The following PIP5K1B variants were observed in gnomAD, a reference collection of about 807,000 sequenced individuals.
PIP5K1B encodes phosphatidylinositol 4-phosphate 5-kinase type-1 beta.
PIP5K1B carries 42 observed loss-of-function variants against 67.0 expected under a neutral mutation model. The observed-to-expected ratio is 0.63, with a 90% CI of 0.49 to 0.81. PIP5K1B has a LOEUF of 0.81. PIP5K1B is among the 30% of genes least tolerant of loss of function. The pLI, the probability that PIP5K1B is intolerant of heterozygous loss-of-function variation, is 0.00. For missense variants in PIP5K1B, 459 were observed against 646.3 expected, an observed-to-expected ratio of 0.71 and a Z score of 3.14; for synonymous variants, 214 against 231.4, an observed-to-expected ratio of 0.92 and a Z score of 0.68.
intron 4 of PIP5K1B, among the ~76,000 whole-genome samples, chr9:68,838,025 AT>A (rs1377661857): frequency 6.6e-6 from 1 of 150,836 alleles, no homozygotes; most frequent in Non-Finnish European, 1.5e-5. Context: ...AGTTGAATAT[AT>A]GTCTGTGTAA....
chr9:68,998,931 C>A (rs547562072), intron 15 of PIP5K1B, among the ~76,000 whole-genome samples: 1 of 152,186 alleles, frequency 6.6e-6, no homozygotes, highest in Non-Finnish European at 1.5e-5. Context: ...GTTTCCAAGG[C>A]CTGCTATCAC....
In PIP5K1B at chr9:68,994,288, C is replaced by T. The variant is rs142839129; in HGVS notation, c.1620+3031C>T. 1.4e-4 allele frequency among the ~76,000 whole-genome samples: 21 copies of T among 152,064 alleles called. 1 individual carries two copies. Among genetic ancestry groups the T allele is most frequent in the African/African-American group, 4.6e-4 (19 of 41,492 alleles). On this transcript the variant is annotated intron_variant, in intron 15 of 15. Transcript: ENST00000265382. ...AACTCCTGACCTCAGGTGATCCGCC[C>T]GCCTCGGCCTCCCAAAGTGCTGGGA...
chr9:68,951,873 A>C (rs1015544504), intron 14 of PIP5K1B, among the ~76,000 whole-genome samples: 2 of 152,120 alleles, frequency 1.3e-5, no homozygotes, highest in African/African-American at 4.8e-5. Flanking sequence ...TTCCTTTGGC[A>C]ATTACTTTGG....
At chr9:68,915,585 A>C (rs1826054672) in intron 8 of PIP5K1B, among the ~76,000 whole-genome samples, 2 of 152,156 alleles carry the variant, frequency 1.3e-5, no homozygotes, top group Non-Finnish European at 2.9e-5. Context: ...GCATTGGATC[A>C]GTGGTAAGAA....
At chr9:68,723,933 A>G (rs1828026356) in intron 1 of PIP5K1B, among the ~76,000 whole-genome samples, 1 of 151,998 alleles carries the variant, frequency 6.6e-6, no homozygotes, top group African/African-American at 2.4e-5. Context: ...GTCTTACCCA[A>G]AAAATTATTG....
chr9:68,876,305 T>TA (rs1021233589), intron 5 of PIP5K1B, among the ~76,000 whole-genome samples: 31 of 152,156 alleles, frequency 2.0e-4, no homozygotes, highest in Admixed American at 1.5e-3. Flanking sequence ...AATTCGTGGT[T>TA]AAAAAAATGC....
At chr9:68,737,067 A>G (rs552252433) in intron 1 of PIP5K1B, among the ~76,000 whole-genome samples, 5 of 152,324 alleles carry the variant, frequency 3.3e-5, no homozygotes, top group Middle Eastern at 3.4e-3. Flanking sequence ...TAAATATCCA[A>G]GTTTAGGTTT....
intron 2 of PIP5K1B, chr9:68,780,344 G>A (rs1831186091): frequency 1.9e-6 from 3 of 1,610,588 alleles, no homozygotes; most frequent in Admixed American, 1.7e-5. Flanking sequence ...GCGCCAGGCG[G>A]AACAGCACAA....
At position 68,715,272 on chromosome 9, in the gene PIP5K1B, C is replaced by T. The variant is rs1827579447; in HGVS notation, c.-243+9510C>T. On this transcript the variant is annotated intron_variant, in intron 1 of 15. Transcript: ENST00000265382. ...ACAGAGAGAAGCACAGGGATCTGCC[C>T]CAGACTCTTCAATGGCCTCCCTTTG... Among the ~76,000 whole-genome samples, 3 of 152,168 alleles carry T rather than the reference C, an allele frequency of 2.0e-5. No individual in the cohort carries two copies. The South Asian group carries it at 6.2e-4, about 32-fold the overall frequency.
intron 14 of PIP5K1B, among the ~76,000 whole-genome samples, chr9:68,978,187 A>C (rs567842634): frequency 1.3e-5 from 2 of 152,188 alleles, no homozygotes; most frequent in African/African-American, 4.8e-5. Context: ...TCTCAAGTAC[A>C]CAATACGTGA....
At chr9:68,830,960 C>G (rs1834282880) in intron 4 of PIP5K1B, among the ~76,000 whole-genome samples, 1 of 152,202 alleles carries the variant, frequency 6.6e-6, no homozygotes, top group African/African-American at 2.4e-5. Flanking sequence ...CACTACCTGC[C>G]CTCCTTTGCC....
At chr9:68,815,932 A>G (rs1391068383) in intron 2 of PIP5K1B, among the ~76,000 whole-genome samples, 1 of 152,206 alleles carries the variant, frequency 6.6e-6, no homozygotes, top group Non-Finnish European at 1.5e-5. Flanking sequence ...GACATAAGAC[A>G]AATTTTAAAA....
At chr9:68,966,055 A>G (rs1829013276) in intron 14 of PIP5K1B, among the ~76,000 whole-genome samples, 2 of 152,072 alleles carry the variant, frequency 1.3e-5, no homozygotes, top group African/African-American at 4.8e-5. Context: ...GCTGACTGAA[A>G]GAGCTCTCAA....
intron 5 of PIP5K1B, among the ~76,000 whole-genome samples, chr9:68,865,325 A>G (rs528884792): frequency 1.1e-4 from 17 of 152,114 alleles, no homozygotes; most frequent in South Asian, 2.1e-4. Flanking sequence ...TATATTAACT[A>G]CATGTTTTTC....
At chr9:68,907,715 AC>A (rs1229877289) in intron 8 of PIP5K1B, among the ~76,000 whole-genome samples, 2 of 152,190 alleles carry the variant, frequency 1.3e-5, no homozygotes, top group Non-Finnish European at 2.9e-5. Flanking sequence ...ATTCTGCCTT[AC>A]CTTCCTGCCG....
intron 14 of PIP5K1B, among the ~76,000 whole-genome samples, chr9:68,986,576 C>T (rs970885193): frequency 7.9e-5 from 12 of 151,994 alleles, no homozygotes; most frequent in African/African-American, 2.9e-4. Context: ...GTTTGAAAAA[C>T]AGTATAAATA....
chr9:68,867,868 A>C (rs1823439102), intron 5 of PIP5K1B, among the ~76,000 whole-genome samples: 1 of 152,172 alleles, frequency 6.6e-6, no homozygotes, highest in Non-Finnish European at 1.5e-5. Context: ...AGAACTAATT[A>C]CTTGAGGTAC....
chr9:68,863,815 G>C, intron 4 of PIP5K1B, 22 bp from the exon 5 acceptor site: 1 of 1,611,612 alleles, frequency 6.2e-7, no homozygotes. Context: ...GACTAATGTT[G>C]AGACCCTTGT....
chr9:68,862,698 A>G (rs1156982477), intron 4 of PIP5K1B, among the ~76,000 whole-genome samples: 1 of 152,086 alleles, frequency 6.6e-6, no homozygotes, highest in East Asian at 1.9e-4. Context: ...CGGCTGAGGC[A>G]TGAGAATTGC....
Sources: allele counts gnomAD v4.1 joint callset (sites outside exome capture counted in the v4.1 genomes callset), GRCh38; gene constraint gnomAD v4.1.1; transcripts MANE v1.5; gene names NCBI Gene and HGNC (gene_info 2026-07-23, HGNC 2026-07-21).